The following CRPPA variants were observed in gnomAD, a reference collection of about 807,000 sequenced individuals.
The protein encoded by CRPPA is CDP-L-ribitol pyrophosphorylase A.
CRPPA carries 43 observed loss-of-function variants against 52.0 expected under a neutral mutation model. The observed-to-expected ratio is 0.83, with a 90% confidence interval of 0.65 to 1.07. CRPPA has a LOEUF of 1.07. Ranked by LOEUF, CRPPA falls within the 50% of genes least tolerant of loss-of-function variation. CRPPA has a pLI of 0.00. For synonymous variants in CRPPA, 250 were observed against 203.5 expected, an observed-to-expected ratio of 1.23 and a Z score of -1.94; for missense variants, 629 against 551.7, an observed-to-expected ratio of 1.14 and a Z score of -1.40.
chr7:16,302,295 CAAAAAAAAAAAA>C (rs34666735), intron 4 of CRPPA, among the ~76,000 whole-genome samples: 6 of 53,374 alleles, frequency 1.1e-4, no homozygotes, highest in African/African-American at 1.6e-4. Flanking sequence ...GACTCTGTCT[CAAAAAAAAAAAA>C]AAAAAAAAAA....
intron 9 of CRPPA, among the ~76,000 whole-genome samples, chr7:16,103,600 T>A (rs1174459973): frequency 6.6e-6 from 1 of 152,098 alleles, no homozygotes; most frequent in African/African-American, 2.4e-5. Flanking sequence ...CTTCCTCCTA[T>A]GAAAAAACAC....
intron 9 of CRPPA, among the ~76,000 whole-genome samples, chr7:16,111,645 T>G (rs1782266789): frequency 6.6e-6 from 1 of 152,198 alleles, no homozygotes. Context: ...GAGAACATTA[T>G]GCTAAATAAA....
chr7:16,263,688 G>T (rs552007985), intron 6 of CRPPA, among the ~76,000 whole-genome samples: 29 of 152,172 alleles, frequency 1.9e-4, no homozygotes, highest in African/African-American at 6.5e-4. Flanking sequence ...GGAGGCAGAG[G>T]TTGCAGTGAG....
At chr7:16,284,372 G>A (rs1784380032) in intron 5 of CRPPA, among the ~76,000 whole-genome samples, 1 of 152,070 alleles carries the variant, frequency 6.6e-6, no homozygotes, top group Admixed American at 6.5e-5. Flanking sequence ...ATAAGGATTA[G>A]ATAATGTGTA....
rs146155201 is a variant in CRPPA, at chr7:16,180,762, T to A, written c.1251+35304A>T. On this transcript the variant is annotated intron_variant, in intron 9 of 9. Coordinates refer to ENST00000407010, the MANE Select transcript of CRPPA (RefSeq NM_001101426.4). Reference sequence around the variant, plus strand: ...AATATTTAAGGAAAGAAGTCCTTTATAAAATATAAATATAGCTTATTGGAA... The same window carrying A: ...AATATTTAAGGAAAGAAGTCCTTTAAAAAATATAAATATAGCTTATTGGAA... Among the ~76,000 whole-genome samples the A allele has an allele frequency of 6.7e-3, 1,019 of 152,174 alleles. 13 individuals are homozygous for A. The highest frequency in any genetic ancestry group is 0.023 in the African/African-American group (976 of 41,558).
At chr7:16,341,217 G>A (rs950614934) in intron 3 of CRPPA, among the ~76,000 whole-genome samples, 1 of 151,808 alleles carries the variant, frequency 6.6e-6, no homozygotes, top group African/African-American at 2.4e-5. Flanking sequence ...AACACCAAGA[G>A]TGAACCCTAG....
chr7:16,344,348 C>G (rs1252443556), intron 3 of CRPPA, among the ~76,000 whole-genome samples: 1 of 141,878 alleles, frequency 7.0e-6, no homozygotes, highest in African/African-American at 2.6e-5. Flanking sequence ...GGTGGGATCA[C>G]TTGAGGACAG....
At chr7:16,342,647 G>C (rs1785878382) in intron 3 of CRPPA, among the ~76,000 whole-genome samples, 2 of 149,928 alleles carry the variant, frequency 1.3e-5, no homozygotes, top group South Asian at 4.2e-4. Flanking sequence ...GGGCACAGTG[G>C]ATCACACCAG....
At chr7:16,270,962 G>C (rs143518092) in intron 6 of CRPPA, among the ~76,000 whole-genome samples, 2,541 of 151,862 alleles carry the variant, frequency 0.017, 52 homozygotes, top group Middle Eastern at 0.031. Context: ...TATAACAAAA[G>C]GCATGGATCC....
At chr7:16,100,228 T>A (rs753875395) in intron 9 of CRPPA, among the ~76,000 whole-genome samples, 1 of 152,216 alleles carries the variant, frequency 6.6e-6, no homozygotes, top group African/African-American at 2.4e-5. Flanking sequence ...CTAATTGACA[T>A]CAATTTTTAA....
Position 16,313,397 on chromosome 7 carries a change from G to C in CRPPA, c.685-4770C>G, listed in dbSNP as rs183830814. 2.6e-5 allele frequency among the ~76,000 whole-genome samples: 4 copies of C among 151,878 alleles called. No homozygotes were observed. In the East Asian group the frequency reaches 7.8e-4, roughly 29 times the overall value. ...TTTATTATCCTTTTAATGTTCATGG[G>C]ATCTATAATAATGTCCGTGCTTTCA... On this transcript the variant is annotated intron_variant, in intron 3 of 9. Transcript: ENST00000407010.
chr7:16,106,671 A>G (rs1044020761), intron 9 of CRPPA, among the ~76,000 whole-genome samples: 1 of 152,204 alleles, frequency 6.6e-6, no homozygotes, highest in African/African-American at 2.4e-5. Flanking sequence ...AGGCTAGAAG[A>G]GGGGGCTGCT....
chr7:16,323,834 A>G (rs903882547), intron 3 of CRPPA, among the ~76,000 whole-genome samples: 2 of 152,246 alleles, frequency 1.3e-5, no homozygotes, highest in Non-Finnish European at 2.9e-5. Context: ...TGCAAAAAAA[A>G]GCACATCACA....
chr7:16,349,225 C>T (rs1368731433), intron 3 of CRPPA, among the ~76,000 whole-genome samples: 2 of 152,086 alleles, frequency 1.3e-5, no homozygotes, highest in African/African-American at 4.8e-5. Flanking sequence ...GTGGCACATC[C>T]CAACCTCCTA....
chr7:16,374,656 C>T (rs1786833375), intron 3 of CRPPA, among the ~76,000 whole-genome samples: 1 of 152,158 alleles, frequency 6.6e-6, no homozygotes, highest in African/African-American at 2.4e-5. Flanking sequence ...TCTTCACCTA[C>T]TCTTTCCTCC....
At chr7:16,300,315 C>A (rs1784766519) in intron 5 of CRPPA, among the ~76,000 whole-genome samples, 1 of 152,106 alleles carries the variant, frequency 6.6e-6, no homozygotes, top group Non-Finnish European at 1.5e-5. Flanking sequence ...TTGATGCACT[C>A]AGAATGCAGG....
At chr7:16,372,454 A>G (rs1583556013) in intron 3 of CRPPA, among the ~76,000 whole-genome samples, 1 of 152,236 alleles carries the variant, frequency 6.6e-6, no homozygotes, top group South Asian at 2.1e-4. Flanking sequence ...ACTAAGCTTC[A>G]TAAATGAAGG....
intron 3 of CRPPA, among the ~76,000 whole-genome samples, chr7:16,324,743 G>C (rs926593684): frequency 2.6e-5 from 4 of 152,186 alleles, no homozygotes; most frequent in African/African-American, 9.6e-5. Context: ...TGACAAAAAT[G>C]AGATGAAACC....
In CRPPA at chr7:16,178,231, G is replaced by A. The variant is rs534364377; in HGVS notation, c.1251+37835C>T. ...TGGCCCTAGCTCAGTCAGATGTATT[G>A]CAGGACAGTGACAGATGGAAATGAC... On this transcript the variant is annotated intron_variant, in intron 9 of 9. Transcript: ENST00000407010. Among the ~76,000 whole-genome samples the A allele has an allele frequency of 4.6e-5, 7 of 152,164 alleles. No individual in the cohort carries two copies. In the South Asian group the frequency reaches 1.2e-3, roughly 27 times the overall value.
Sources: allele counts gnomAD v4.1 joint callset (sites outside exome capture counted in the v4.1 genomes callset), GRCh38; gene constraint gnomAD v4.1.1; transcripts MANE v1.5; gene names NCBI Gene and HGNC (gene_info 2026-07-23, HGNC 2026-07-21).